PTPRD: variants seen among roughly 807,000 people sequenced by gnomAD.
The protein encoded by PTPRD is receptor-type tyrosine-protein phosphatase delta.
PTPRD carries 34 observed loss-of-function variants against 214.5 expected under a neutral mutation model. The observed-to-expected ratio is 0.16, with a 90% CI of 0.12 to 0.21. The LOEUF is 0.21. PTPRD is among the 10% of genes least tolerant of loss of function. The pLI is 1.00. For synonymous variants in PTPRD, 1,128 were observed against 845.7 expected (o/e 1.33, Z -5.79); for missense variants, 2,545 against 2,398.7 (o/e 1.06, Z -1.27).
At chr9:9,795,847 T>C (rs957937456) in intron 5 of PTPRD, among the ~76,000 whole-genome samples, 1 of 152,060 alleles carries the variant, frequency 6.6e-6, no homozygotes. Context: ...AAACAGTAGG[T>C]AAAATTGCCA....
At chr9:8,535,632 A>G (rs2076745273) in intron 14 of PTPRD, among the ~76,000 whole-genome samples, 1 of 151,888 alleles carries the variant, frequency 6.6e-6, no homozygotes. Flanking sequence ...AGTATTCCTC[A>G]TCTTGGGGAG....
At chr9:8,758,821 G>A (rs190827163) in intron 11 of PTPRD, among the ~76,000 whole-genome samples, 3 of 151,624 alleles carry the variant, frequency 2.0e-5, no homozygotes, top group East Asian at 3.9e-4. Context: ...GCAATGGCGC[G>A]ATGACAGGCG....
chr9:8,556,660 CTATAT>C (rs988968870), intron 14 of PTPRD, among the ~76,000 whole-genome samples: 10 of 152,058 alleles, frequency 6.6e-5, no homozygotes, highest in South Asian at 2.1e-4. Context: ...CAAGGGTTTG[CTATAT>C]TATAAGAGGT....
At chr9:9,771,872 G>C (rs2098754700) in intron 5 of PTPRD, among the ~76,000 whole-genome samples, 1 of 152,096 alleles carries the variant, frequency 6.6e-6, no homozygotes, top group South Asian at 2.1e-4. Flanking sequence ...AGAACAATAA[G>C]TGTGCAACAT....
At chr9:10,370,292 T>G (rs997854326) in intron 2 of PTPRD, among the ~76,000 whole-genome samples, 10 of 152,114 alleles carry the variant, frequency 6.6e-5, no homozygotes, top group African/African-American at 2.2e-4. Flanking sequence ...TTAGAACGCA[T>G]GTTCACAAGC....
At chr9:8,683,717 C>A (rs960891395) in intron 12 of PTPRD, among the ~76,000 whole-genome samples, 7 of 152,274 alleles carry the variant, frequency 4.6e-5, no homozygotes, top group Non-Finnish European at 8.8e-5. Flanking sequence ...CAGCACTGGC[C>A]ATAGAGTATG....
intron 11 of PTPRD, among the ~76,000 whole-genome samples, chr9:8,910,773 A>T (rs2098741459): frequency 6.6e-6 from 1 of 152,246 alleles, no homozygotes; most frequent in South Asian, 2.1e-4. Context: ...ACGTAATATA[A>T]AATCAAGATA....
At chr9:9,562,847 A>T (rs879075993) in intron 8 of PTPRD, among the ~76,000 whole-genome samples, 3 of 152,078 alleles carry the variant, frequency 2.0e-5, no homozygotes, top group Admixed American at 1.3e-4. Context: ...AAAATACATA[A>T]CCTTTAAATA....
At chr9:8,319,126 C>A (rs1260707827) in intron 45 of PTPRD, among the ~76,000 whole-genome samples, 2 of 152,026 alleles carry the variant, frequency 1.3e-5, no homozygotes, top group Non-Finnish European at 2.9e-5. Flanking sequence ...CAAACACTTG[C>A]ACTACTTTGA....
intron 11 of PTPRD, among the ~76,000 whole-genome samples, chr9:8,959,897 T>C (rs1310177163): frequency 6.6e-6 from 1 of 152,054 alleles, no homozygotes; most frequent in Non-Finnish European, 1.5e-5. Context: ...GGCATGAAAA[T>C]GTTATTCCAA....
At chr9:9,447,775 T>C (rs898405806) in intron 8 of PTPRD, among the ~76,000 whole-genome samples, 1 of 152,076 alleles carries the variant, frequency 6.6e-6, no homozygotes, top group Non-Finnish European at 1.5e-5. Context: ...GTATGTGAAA[T>C]AGGCAGAATA....
At chr9:9,021,362 G>A (rs1317464159) in intron 10 of PTPRD, among the ~76,000 whole-genome samples, 1 of 151,976 alleles carries the variant, frequency 6.6e-6, no homozygotes, top group Non-Finnish European at 1.5e-5. Context: ...AATTATGTAT[G>A]GTACATCATA....
At chr9:9,663,247 T>A (rs2096653646) in intron 7 of PTPRD, among the ~76,000 whole-genome samples, 1 of 151,434 alleles carries the variant, frequency 6.6e-6, no homozygotes, top group Non-Finnish European at 1.5e-5. Context: ...AAATACAACT[T>A]ATTTTTAAAT....
chr9:10,429,650 C>T (rs607032), intron 2 of PTPRD, among the ~76,000 whole-genome samples: 3,706 of 149,034 alleles, frequency 0.025, 137 homozygotes, highest in African/African-American at 0.086. Flanking sequence ...CATATAATGA[C>T]AGATAATATA....
chr9:8,497,676 T>G (rs552403011), intron 25 of PTPRD, among the ~76,000 whole-genome samples: 1 of 152,114 alleles, frequency 6.6e-6, no homozygotes, highest in South Asian at 2.1e-4. Flanking sequence ...CTGTGAGATG[T>G]AATGAAATTT....
chr9:10,105,022 T>A (rs1029509728), intron 3 of PTPRD, among the ~76,000 whole-genome samples: 3 of 151,930 alleles, frequency 2.0e-5, no homozygotes, highest in Admixed American at 1.3e-4. Context: ...CAAATAATGC[T>A]TTACATTTCA....
chr9:9,016,325 T>C (rs2099534917), intron 11 of PTPRD, among the ~76,000 whole-genome samples: 1 of 152,184 alleles, frequency 6.6e-6, no homozygotes, highest in Non-Finnish European at 1.5e-5. Flanking sequence ...ATTTGTAATA[T>C]ACATGGGCTG....
At chr9:10,342,623 T>A (rs2096964114) in intron 2 of PTPRD, among the ~76,000 whole-genome samples, 1 of 152,078 alleles carries the variant, frequency 6.6e-6, no homozygotes, top group East Asian at 1.9e-4. Context: ...TACACTTACT[T>A]AGAGTATATT....
chr9:10,261,087 A>G (rs1044139208), intron 3 of PTPRD, among the ~76,000 whole-genome samples: 2 of 147,450 alleles, frequency 1.4e-5, no homozygotes, highest in African/African-American at 2.5e-5. Flanking sequence ...GTGTGTATAT[A>G]TATATATATA....
Sources: allele counts gnomAD v4.1 joint callset (sites outside exome capture counted in the v4.1 genomes callset), GRCh38; gene constraint gnomAD v4.1.1; transcripts MANE v1.5; gene names NCBI Gene and HGNC (gene_info 2026-07-23, HGNC 2026-07-21).